SEMA3A: variants seen among roughly 807,000 people sequenced by gnomAD.
The protein encoded by SEMA3A is semaphorin-3A.
Under a neutral mutation model 97.9 loss-of-function variants are expected in SEMA3A, and 29 were observed. The observed-to-expected ratio is 0.30, with a 90% CI of 0.22 to 0.40. The LOEUF is 0.40. SEMA3A is among the 10% of genes least tolerant of loss of function. SEMA3A has a pLI of 1.00. For synonymous variants in SEMA3A, 321 were observed against 323.7 expected (o/e 0.99, Z 0.09); for missense variants, 763 against 951.3 (o/e 0.80, Z 2.60).
chr7:84,071,000 T>C (rs1275061914), intron 4 of SEMA3A, among the ~76,000 whole-genome samples: 1 of 152,134 alleles, frequency 6.6e-6, no homozygotes, highest in Non-Finnish European at 1.5e-5. Flanking sequence ...TCAAAGGAAA[T>C]ATTGTGACAT....
chr7:84,424,499 ATAATATATAAATATTAATATATG>A (rs1804695087), intron 1 of SEMA3A, among the ~76,000 whole-genome samples: 3 of 102,268 alleles, frequency 2.9e-5, no homozygotes, highest in Non-Finnish European at 5.2e-5. Context: ...TATATAATAT[ATAATATATAAATATTAATATATG>A]TTATATATAA....
At chr7:84,359,239 A>T (rs1053838034) in intron 2 of SEMA3A, among the ~76,000 whole-genome samples, 1 of 152,094 alleles carries the variant, frequency 6.6e-6, no homozygotes, top group African/African-American at 2.4e-5. Flanking sequence ...GAATGCTTCC[A>T]GTTTTTGTCC....
intron 4 of SEMA3A, among the ~76,000 whole-genome samples, chr7:84,065,647 C>G (rs922326986): frequency 1.3e-4 from 19 of 151,820 alleles, no homozygotes; most frequent in African/African-American, 2.9e-4. Context: ...AACACCTCTA[C>G]GCAAATAAAC....
At chr7:84,027,903 T>C (rs558804408) in intron 6 of SEMA3A, among the ~76,000 whole-genome samples, 55 of 152,336 alleles carry the variant, frequency 3.6e-4, no homozygotes, top group Non-Finnish European at 7.1e-4. Context: ...TGTTATCCCA[T>C]GGTTGATTAC....
At chr7:84,154,027 G>C (rs951335795) in intron 1 of SEMA3A, among the ~76,000 whole-genome samples, 1 of 151,936 alleles carries the variant, frequency 6.6e-6, no homozygotes, top group African/African-American at 2.4e-5. Flanking sequence ...TACATATTTC[G>C]TTATATTAAT....
chr7:84,038,891 C>A (rs1792035481), intron 6 of SEMA3A, among the ~76,000 whole-genome samples: 1 of 152,062 alleles, frequency 6.6e-6, no homozygotes, highest in Non-Finnish European at 1.5e-5. Flanking sequence ...TTTTGTAAAA[C>A]ACAATGTGTT....
At chr7:84,416,951 C>A (rs1804452518) in intron 1 of SEMA3A, among the ~76,000 whole-genome samples, 1 of 152,070 alleles carries the variant, frequency 6.6e-6, no homozygotes, top group Admixed American at 6.6e-5. Flanking sequence ...GAATTAAAAA[C>A]TCAATTCTTT....
chr7:84,404,109 A>G (rs1476585093), intron 1 of SEMA3A, among the ~76,000 whole-genome samples: 3 of 152,230 alleles, frequency 2.0e-5, no homozygotes, highest in Non-Finnish European at 4.4e-5. Flanking sequence ...CTAAAGGAGG[A>G]AGTTCCAAAT....
At chr7:84,299,208 A>C (rs1375839412) in intron 3 of SEMA3A, among the ~76,000 whole-genome samples, 1 of 151,352 alleles carries the variant, frequency 6.6e-6, no homozygotes. Flanking sequence ...ATTCTTTTTA[A>C]TAAACTCCCT....
intron 1 of SEMA3A, among the ~76,000 whole-genome samples, chr7:84,386,787 G>A (rs1803408107): frequency 6.6e-6 from 1 of 152,026 alleles, no homozygotes; most frequent in Non-Finnish European, 1.5e-5. Context: ...ATCACTTGAG[G>A]TCAGGAGTTC....
intron 3 of SEMA3A, among the ~76,000 whole-genome samples, chr7:84,272,610 T>C (rs1800179322): frequency 2.0e-5 from 3 of 152,208 alleles, no homozygotes; most frequent in Middle Eastern, 3.4e-3. Flanking sequence ...ACCAATTCTA[T>C]TGGCTCTATT....
chr7:84,334,615 G>C (rs1801991564), intron 2 of SEMA3A, among the ~76,000 whole-genome samples: 2 of 151,376 alleles, frequency 1.3e-5, no homozygotes, highest in Admixed American at 1.3e-4. Context: ...CACCACCTCT[G>C]TCTTACTTCC....
intron 1 of SEMA3A, among the ~76,000 whole-genome samples, chr7:84,431,001 A>G (rs998821557): frequency 3.3e-5 from 5 of 151,994 alleles, no homozygotes; most frequent in Non-Finnish European, 5.9e-5. Flanking sequence ...ATATAATAGA[A>G]GCTGTATAAC....
chr7:83,981,453 G>A lies in SEMA3A; in HGVS notation c.1520C>T (p.Ala507Val). The A allele has an allele frequency of 1.2e-6, 2 of 1,612,408 alleles. No homozygotes were observed. Among genetic ancestry groups the A allele is most frequent in the Non-Finnish European group, 8.5e-7 (1 of 1,179,364 alleles). Residue 507 changes from alanine (A) to valine (V), a missense_variant, in exon 14 of 17, where the codon GCT (alanine) becomes GTT (valine). Ala to Val is a moderately conservative substitution (Grantham distance 64). Around this residue, in one of 2 missense-constraint regions of SEMA3A, gnomAD observed 678 missense variants for 881.3 expected, o/e 0.77. Transcript: ENST00000265362. The stretch of plus-strand genomic sequence containing the variant: ...GTGTAAAGGGAGCTGGGCAACCCCA[G>A]CCGTTGAACCAATATATAGTTGTTG... ...KQQQLYIGSTAGVAQLPLHRC... is the reference protein window; with the variant it reads ...KQQQLYIGSTVGVAQLPLHRC...
intron 4 of SEMA3A, among the ~76,000 whole-genome samples, chr7:84,098,322 C>T (rs374036861): frequency 6.6e-6 from 1 of 151,650 alleles, no homozygotes; most frequent in Non-Finnish European, 1.5e-5. Context: ...GCTACAAATC[C>T]TAACTTTTTC....
intron 4 of SEMA3A, among the ~76,000 whole-genome samples, chr7:84,069,287 GAA>G (rs569601361): frequency 4.1e-4 from 63 of 152,206 alleles, no homozygotes; most frequent in South Asian, 2.7e-3. Flanking sequence ...ACACCCTTCT[GAA>G]ATTCAGACTC....
chr7:84,109,733 T>A lies in SEMA3A; in HGVS notation c.453+737A>T, dbSNP rs534335152. Among the ~76,000 whole-genome samples the A allele has an allele frequency of 3.9e-5, 6 of 152,326 alleles. No individual in the cohort carries two copies. In the South Asian group the frequency reaches 1.2e-3, roughly 32 times the overall value. On this transcript the variant is annotated intron_variant, in intron 4 of 16. Transcript: ENST00000265362. ...TGAAGAAAATTCTGTCACCAATGATTTTCTCACCACGTGAACACTTTTGTT... is the reference window on the plus strand; with the variant it reads ...TGAAGAAAATTCTGTCACCAATGATATTCTCACCACGTGAACACTTTTGTT...
chr7:83,995,230 G>T (rs1385014621), intron 12 of SEMA3A, among the ~76,000 whole-genome samples: 1 of 152,144 alleles, frequency 6.6e-6, no homozygotes, highest in East Asian at 1.9e-4. Flanking sequence ...ACTCCCTAGT[G>T]AGATGAACCC....
chr7:84,132,768 C>T (rs376273692), intron 2 of SEMA3A, among the ~76,000 whole-genome samples: 96 of 140,558 alleles, frequency 6.8e-4, no homozygotes, highest in African/African-American at 2.2e-3. Context: ...CTCTGCCTCC[C>T]AGGTTCAAGC....
Sources: gnomAD v4.1 joint callset for allele counts (sites outside exome capture counted in the v4.1 genomes callset) on GRCh38, gnomAD v4.1.1 for gene constraint, gnomAD v4.1.1 regional missense constraint, MANE v1.5 for transcripts, NCBI Gene and HGNC (gene_info 2026-07-23, HGNC 2026-07-21) for gene names.